Variants in NSMCE4A observed in about 807,000 individuals in gnomAD.
The protein encoded by NSMCE4A is non-structural maintenance of chromosomes element 4 homolog A.
In NSMCE4A, 40 loss-of-function variants were observed where a neutral mutation model predicts 47.9. The ratio of observed to expected loss-of-function variants is 0.83; its 90% CI spans 0.65 to 1.09. The LOEUF (loss-of-function observed/expected upper bound fraction) is 1.09, where lower values mean the gene tolerates loss of function less well. Among genes scored for constraint, NSMCE4A ranks in the 50% least tolerant of loss-of-function variants. NSMCE4A has a pLI of 0.00. For missense variants in NSMCE4A, 500 were observed against 507.0 expected (o/e 0.99, Z 0.13); for synonymous variants, 166 against 178.5 (o/e 0.93, Z 0.56).
intron 3 of NSMCE4A, among the ~76,000 whole-genome samples, chr10:121,970,418 G>T (rs926617943): frequency 3.4e-5 from 5 of 144,992 alleles, no homozygotes; most frequent in African/African-American, 1.3e-4. Context: ...CTTGCAGTGA[G>T]CCGAGATCAC....
At chr10:121,965,150 T>TA (rs1198954685) in intron 5 of NSMCE4A, 136 bp downstream of exon 5, 1 of 613,852 alleles carries the variant, frequency 1.6e-6, no homozygotes, top group African/African-American at 1.9e-5. Context: ...AAGGCTTAAA[T>TA]AAAATGATTA....
chr10:121,971,160 C>A, intron 2 of NSMCE4A, 91 bp from the exon 3 acceptor site: 1 of 1,098,976 alleles, frequency 9.1e-7, no homozygotes, highest in Non-Finnish European at 1.2e-6. Flanking sequence ...ACCAGGATTT[C>A]CCACTGGACT....
intron 9 of NSMCE4A, 41 bp from the exon 10 acceptor site, chr10:121,959,451 C>T: frequency 6.2e-7 from 1 of 1,612,226 alleles, no homozygotes; most frequent in East Asian, 2.2e-5. Flanking sequence ...GGGCTTACTG[C>T]AAGTGAAGGC....
At chr10:121,962,521 T>G (rs559996421) in intron 6 of NSMCE4A, among the ~76,000 whole-genome samples, 3 of 151,322 alleles carry the variant, frequency 2.0e-5, no homozygotes, top group African/African-American at 7.3e-5. Flanking sequence ...ACAAGGGAGA[T>G]CTATATGAAA....
chr10:121,968,131 T>C (rs1952641947), intron 3 of NSMCE4A, among the ~76,000 whole-genome samples: 3 of 152,162 alleles, frequency 2.0e-5, no homozygotes, highest in Non-Finnish European at 4.4e-5. Flanking sequence ...CATTTGTGGG[T>C]GTCACAACTG....
chr10:121,973,885 C>T, intron 2 of NSMCE4A, 119 bp downstream of exon 2: 1 of 693,064 alleles, frequency 1.4e-6, no homozygotes, highest in Non-Finnish European at 2.5e-6. Flanking sequence ...AAACGGTTCC[C>T]GAACTGGGAA....
At position 121,968,469 on chromosome 10, in the gene NSMCE4A, T is replaced by G. The variant is rs370284002; in HGVS notation, c.502-663A>C. On this transcript the variant is annotated intron_variant, in intron 3 of 10. Transcript: ENST00000369023. ...TTCAGATTTTAATTTTTTGCCAACC[T>G]CCTACAAATCTCTATTCAGCTTGTA... is the stretch of plus-strand genomic sequence containing the variant. Among the ~76,000 whole-genome samples, 4 of 152,292 alleles carry G rather than the reference T, an allele frequency of 2.6e-5. No homozygotes were observed. The East Asian group carries it at 5.8e-4, about 22-fold the overall frequency.
rs1006706661 is a variant in NSMCE4A, at chr10:121,962,619, C to T, written c.844+619G>A. Among the ~76,000 whole-genome samples, 10 of 148,512 alleles carry T rather than the reference C, an allele frequency of 6.7e-5. No homozygotes were observed. In the South Asian group the frequency reaches 1.9e-3, roughly 29 times the overall value. ...GCTTGGAAAAAAAGAAAAAAACAAA[C>T]TTTTTTTTTTCAGATGTAGTTTCGC... On this transcript the variant is annotated intron_variant, in intron 6 of 10. Transcript: ENST00000369023.
Position 121,974,971 on chromosome 10 carries a change from G to A in NSMCE4A, c.195C>T (p.Asp65=). The A allele has an allele frequency of 6.5e-7, 1 of 1,527,282 alleles. No individual in the cohort carries two copies. Among genetic ancestry groups the A allele is most frequent in the Non-Finnish European group, 8.8e-7 (1 of 1,139,760 alleles). The allele number at this position is 1,527,282 out of a possible 1,614,324, so 94.6% of individuals were successfully genotyped here. ...LEDTEPSDSG[D]EMMDPASLEA... Reference sequence around the variant, plus strand: ...CCAAGCTGGCCGGGTCCATCATCTCGTCCCCGGAATCCGACGGCTCTGTGT... The same window carrying A: ...CCAAGCTGGCCGGGTCCATCATCTCATCCCCGGAATCCGACGGCTCTGTGT... Residue 65 remains aspartate (D), a synonymous_variant, in exon 1 of 11, where the codon GAC becomes GAT. Transcript: ENST00000369023.
rs531072281 is a variant in NSMCE4A at position 121,972,105 on chromosome 10, T to C, written c.371-1036A>G. Among the ~76,000 whole-genome samples, 7 of 152,358 alleles carry C rather than the reference T, an allele frequency of 4.6e-5. 1 individual carries two copies. The South Asian group carries it at 1.4e-3, about 32-fold the overall frequency. ...GGAAGCCGAGGCAGGCGGATCACTT[T>C]GAGCTCCAAAGTTTGAGACCAGCCT... On this transcript the variant is annotated intron_variant, in intron 2 of 10. Coordinates refer to ENST00000369023, the MANE Select transcript of NSMCE4A (RefSeq NM_017615.3).
At chr10:121,963,664 A>G (rs540867843) in intron 5 of NSMCE4A, among the ~76,000 whole-genome samples, 1 of 151,174 alleles carries the variant, frequency 6.6e-6, no homozygotes, top group Non-Finnish European at 1.5e-5. Context: ...ATTTTTTTAG[A>G]TATGGGGTCT....
rs1357208198 is a variant in NSMCE4A, at chr10:121,973,988, T to C, written c.370+16A>G. 5 of 1,535,814 alleles carry C rather than the reference T, an allele frequency of 3.3e-6. No homozygotes were observed. Among genetic ancestry groups the C allele is most frequent in the East Asian group, 4.6e-5 (2 of 43,044 alleles). ...GTATCATAAAACACGAAATAACATATAAAATAACAAATTACCTTCATTAAA... is the reference window on the plus strand; with the variant it reads ...GTATCATAAAACACGAAATAACATACAAAATAACAAATTACCTTCATTAAA... On this transcript the variant is annotated intron_variant, in intron 2 of 10. Coordinates refer to ENST00000369023, the MANE Select transcript of NSMCE4A (RefSeq NM_017615.3).
At chr10:121,965,498 G>T in intron 4 of NSMCE4A, 113 bp from the exon 5 acceptor site, 1 of 723,756 alleles carries the variant, frequency 1.4e-6, no homozygotes, top group Non-Finnish European at 2.4e-6. Context: ...CCAGACATCA[G>T]TGATATACAA....
At chr10:121,959,857 A>G in intron 8 of NSMCE4A, 6 of 500,194 alleles carry the variant, frequency 1.2e-5, no homozygotes, top group South Asian at 9.0e-5. Context: ...CTATGTGTCA[A>G]CCACAGAGCT....
At chr10:121,968,953 C>T (rs1207011364) in intron 3 of NSMCE4A, among the ~76,000 whole-genome samples, 1 of 152,138 alleles carries the variant, frequency 6.6e-6, no homozygotes, top group Non-Finnish European at 1.5e-5. Context: ...GCTATACATA[C>T]GAAAGTCTTC....
At chr10:121,971,650 C>T (rs1333372347) in intron 2 of NSMCE4A, among the ~76,000 whole-genome samples, 1 of 152,198 alleles carries the variant, frequency 6.6e-6, no homozygotes, top group African/African-American at 2.4e-5. Context: ...TAAATAACTC[C>T]AGTTGAGCAA....
Position 121,957,246 on chromosome 10 carries a change from TATCC to T in NSMCE4A, c.*22_*25del, listed in dbSNP as rs1952409592. 1 of 152,594 alleles carries T rather than the reference TATCC, an allele frequency of 6.6e-6. No homozygotes were observed. The highest frequency in any genetic ancestry group is 1.5e-5 in the Non-Finnish European group (1 of 68,034). 9.5% of individuals were successfully genotyped at this position (152,594 alleles called of 1,614,324 possible). A position where few individuals can be genotyped will look rare whatever the true frequency, so the allele number is the denominator to read the frequency against. ...TGCCGCTTTCCGTTTTGGACTTCACTATCCATTTGAGTCCTAAAAAGGGGAAGAA... is the reference window on the plus strand; with the variant it reads ...TGCCGCTTTCCGTTTTGGACTTCACTATTTGAGTCCTAAAAAGGGGAAGAA... On this transcript the variant is annotated 3_prime_UTR_variant, in exon 11 of 11. Coordinates refer to ENST00000369023, the MANE Select transcript of NSMCE4A (RefSeq NM_017615.3).
chr10:121,975,123 G>C lies in NSMCE4A; in HGVS notation c.43C>G (p.Arg15Gly), dbSNP rs972815519. The stretch of plus-strand genomic sequence containing the variant: ...CGATCCCGATGCGGGTCGCGGCCCC[G>C]GCCCCGGCCCTCTGGCCCGCGGCCG... ...SSGRGPEGRGRGRDPHRDRTR... is the reference protein window; with the variant it reads ...SSGRGPEGRGGGRDPHRDRTR... The change falls in exon 1 of 11, where the codon CGG becomes GGG. Residue 15 changes from arginine (R) to glycine (G), a missense_variant. Coordinates refer to ENST00000369023, the MANE Select transcript of NSMCE4A (RefSeq NM_017615.3). 6 of 1,419,908 alleles carry C rather than the reference G, an allele frequency of 4.2e-6. No individual in the cohort carries two copies. In the African/African-American group the frequency reaches 7.6e-5, roughly 18 times the overall value. The allele number at this position is 1,419,908 out of a possible 1,614,324, so 88.0% of individuals were successfully genotyped here.
chr10:121,974,493 G>A (rs1473332948), intron 1 of NSMCE4A: 1 of 993,104 alleles, frequency 1.0e-6, no homozygotes. Context: ...GCTCTCGCGT[G>A]CCGCTGCAGC....
Sources: allele counts gnomAD v4.1 joint callset (sites outside exome capture counted in the v4.1 genomes callset), GRCh38; gene constraint gnomAD v4.1.1; transcripts MANE v1.5; gene names NCBI Gene and HGNC (gene_info 2026-07-23, HGNC 2026-07-21).